Variants in SCG3 observed in about 807,000 individuals in gnomAD.
The protein encoded by SCG3 is secretogranin III.
A neutral mutation model predicts 56.2 loss-of-function variants in SCG3; 38 were observed. That is an observed-to-expected ratio of 0.68 (90% CI 0.52 to 0.89). The LOEUF (loss-of-function observed/expected upper bound fraction) is 0.89, where lower values mean the gene tolerates loss of function less well. SCG3 is among the 40% of genes least tolerant of loss of function. The pLI is 0.00. For missense variants in SCG3, 524 were observed against 540.7 expected, an observed-to-expected ratio of 0.97 and a Z score of 0.31; for synonymous variants, 176 against 184.2, an observed-to-expected ratio of 0.96 and a Z score of 0.36.
chr15:51,696,509 C>T (rs763104851), intron 8 of SCG3, among the ~76,000 whole-genome samples: 3 of 152,126 alleles, frequency 2.0e-5, no homozygotes, highest in Non-Finnish European at 1.5e-5. Flanking sequence ...CAAGATAGGG[C>T]CATGGCACTC....
intron 10 of SCG3, among the ~76,000 whole-genome samples, chr15:51,712,549 A>C (rs1365599461): frequency 2.0e-5 from 3 of 152,198 alleles, no homozygotes; most frequent in African/African-American, 7.2e-5. Context: ...TCCAAATGCC[A>C]GCTGTTATTT....
At position 51,688,131 on chromosome 15, in the gene SCG3, G is replaced by A. The variant is rs535296114; in HGVS notation, c.398-129G>A. On this transcript the variant is annotated intron_variant, in intron 4 of 11. Transcript: ENST00000220478. ...TTCAAACCGAGGGTTTCTGTGGACC[G>A]AGAACCACCATAAATACATTTCAAA... 1.1e-3 allele frequency: 939 copies of A among 875,906 alleles called. 3 individuals carry two copies. The highest frequency in any genetic ancestry group is 1.1e-3 in the Non-Finnish European group (704 of 629,994). The allele number at this position is 875,906 out of a possible 1,614,324, so 54.3% of individuals were successfully genotyped here.
At chr15:51,692,019 G>A in intron 6 of SCG3, 140 bp from the exon 7 acceptor site, 1 of 689,348 alleles carries the variant, frequency 1.5e-6, no homozygotes, top group Non-Finnish European at 2.3e-6. Context: ...TCTAGAAATG[G>A]GTTTGAACCT....
intron 8 of SCG3, among the ~76,000 whole-genome samples, chr15:51,698,861 T>C (rs1039197078): frequency 6.6e-6 from 1 of 152,210 alleles, no homozygotes. Flanking sequence ...CCTAGGCTCC[T>C]CCTTGAATTA....
At chr15:51,717,377 A>G (rs1305211045) in intron 11 of SCG3, among the ~76,000 whole-genome samples, 3 of 151,578 alleles carry the variant, frequency 2.0e-5, no homozygotes, top group Non-Finnish European at 4.4e-5. Context: ...CAAAAAAAAA[A>G]AAAAAATTAG....
intron 9 of SCG3, among the ~76,000 whole-genome samples, chr15:51,700,865 G>T (rs1671200042): frequency 6.6e-6 from 1 of 151,474 alleles, no homozygotes; most frequent in Admixed American, 6.6e-5. Context: ...GGGGTGGGGG[G>T]GATATATCTA....
intron 11 of SCG3, chr15:51,715,210 C>T (rs984898993): frequency 6.6e-6 from 1 of 152,218 alleles, no homozygotes; most frequent in East Asian, 1.9e-4. Flanking sequence ...ATATGGAAGG[C>T]TCTGTTAGCA....
chr15:51,686,302 G>A (rs1434774102), intron 4 of SCG3, among the ~76,000 whole-genome samples: 2 of 152,206 alleles, frequency 1.3e-5, no homozygotes, highest in South Asian at 4.1e-4. Context: ...ACACCATCCA[G>A]CAAAGCACTG....
intron 10 of SCG3, among the ~76,000 whole-genome samples, chr15:51,702,435 T>C (rs2055345692): frequency 6.6e-6 from 1 of 152,108 alleles, no homozygotes; most frequent in Admixed American, 6.6e-5. Flanking sequence ...TTTTGTATTT[T>C]TCATAGAGAT....
intron 10 of SCG3, 126 bp downstream of exon 10, chr15:51,701,370 C>T: frequency 1.1e-6 from 1 of 933,150 alleles, no homozygotes; most frequent in Non-Finnish European, 1.5e-6. Context: ...CTGTATAGAA[C>T]AGGCTTGGCA....
intron 10 of SCG3, among the ~76,000 whole-genome samples, chr15:51,704,650 C>A (rs1242940910): frequency 1.3e-5 from 2 of 150,724 alleles, no homozygotes; most frequent in African/African-American, 4.9e-5. Context: ...TCAGAATTTT[C>A]TTCCTTTTTT....
intron 11 of SCG3, among the ~76,000 whole-genome samples, chr15:51,716,976 A>C (rs1341316048): frequency 6.6e-6 from 1 of 152,202 alleles, no homozygotes; most frequent in Non-Finnish European, 1.5e-5. Context: ...CTGTAATCCC[A>C]GCACTTTGGG....
intron 10 of SCG3, among the ~76,000 whole-genome samples, chr15:51,704,244 C>CATACATACATAT (rs751546589): frequency 1.5e-3 from 108 of 73,622 alleles, no homozygotes; most frequent in Non-Finnish European, 2.2e-3. Flanking sequence ...TACATACATA[C>CATACATACATAT]ATATATATAT....
Position 51,689,427 on chromosome 15 carries a change from G to GTGTGTA in SCG3, c.690+60_690+65dup. 2 of 1,501,060 alleles carry GTGTGTA rather than the reference G, an allele frequency of 1.3e-6. 1 individual carries two copies. The highest frequency in any genetic ancestry group is 1.8e-6 in the Non-Finnish European group (2 of 1,111,136). The allele number at this position is 1,501,060 out of a possible 1,614,324, so 93.0% of individuals were successfully genotyped here. On this transcript the variant is annotated intron_variant, in intron 6 of 11. Transcript: ENST00000220478. ...TGTGTGTGTGTGTGTGTGTGTGTGTGTGTGTACTTCTATCTGTATAATAAT... is the reference window on the plus strand; with the variant it reads ...TGTGTGTGTGTGTGTGTGTGTGTGTGTGTGTATGTGTACTTCTATCTGTATAATAAT...
intron 10 of SCG3, chr15:51,707,859 T>A (rs911600114): frequency 1.3e-5 from 2 of 152,222 alleles, no homozygotes; most frequent in African/African-American, 2.4e-5. Flanking sequence ...TTGACATAAT[T>A]TTAAGTATTA....
intron 10 of SCG3, chr15:51,708,225 A>C (rs1016079514): frequency 1.3e-5 from 2 of 152,220 alleles, no homozygotes; most frequent in Non-Finnish European, 2.9e-5. Flanking sequence ...GTCGACTCTC[A>C]TAAGGCTTTC....
In SCG3 at chr15:51,688,732, C is replaced by T. The variant is rs1391231227; in HGVS notation, c.540+330C>T. On this transcript the variant is annotated intron_variant, in intron 5 of 11. Coordinates refer to ENST00000220478, the MANE Select transcript of SCG3 (RefSeq NM_013243.4). The stretch of plus-strand genomic sequence containing the variant: ...GCTTAGAGGGATGGTTAGGATATAA[C>T]CAGCAGAGGTAAAAGACATGTATGT... 5.9e-5 allele frequency among the ~76,000 whole-genome samples: 9 copies of T among 152,190 alleles called. 1 individual carries two copies. The East Asian group carries it at 1.7e-3, about 29-fold the overall frequency.
intron 11 of SCG3, among the ~76,000 whole-genome samples, chr15:51,718,310 G>T (rs760154668): frequency 4.6e-5 from 7 of 152,108 alleles, no homozygotes; most frequent in Non-Finnish European, 8.8e-5. Context: ...GTCCAGTGCT[G>T]GGATTTCCCT....
rs2055484261 is a variant in SCG3 at position 51,719,758 on chromosome 15, CAT to C, written c.*234_*235del. ...TTTGTATACAGAATCCTTATTTCCTCATAGACTTATATTTTATAATCAGAATA... is the reference window on the plus strand; with the variant it reads ...TTTGTATACAGAATCCTTATTTCCTCAGACTTATATTTTATAATCAGAATA... On this transcript the variant is annotated 3_prime_UTR_variant, in exon 12 of 12. Coordinates refer to ENST00000220478, the MANE Select transcript of SCG3 (RefSeq NM_013243.4). The C allele has an allele frequency of 2.0e-6, 1 of 503,024 alleles. No individual in the cohort carries two copies. Among genetic ancestry groups the C allele is most frequent in the Non-Finnish European group, 3.5e-6 (1 of 284,696 alleles). 31.2% of individuals were successfully genotyped at this position (503,024 alleles called of 1,614,324 possible). A position where few individuals can be genotyped will look rare whatever the true frequency, so the allele number is the denominator to read the frequency against.
Sources: gnomAD v4.1 joint callset for allele counts (sites outside exome capture counted in the v4.1 genomes callset) on GRCh38, gnomAD v4.1.1 for gene constraint, MANE v1.5 for transcripts, NCBI Gene and HGNC (gene_info 2026-07-23, HGNC 2026-07-21) for gene names.